Variants in CUL2 observed in about 807,000 individuals in gnomAD.
The protein encoded by CUL2 is cullin 2.
A neutral mutation model predicts 110.2 loss-of-function variants in CUL2; 22 were observed. The observed-to-expected ratio is 0.20, with a 90% CI of 0.14 to 0.28. CUL2 has a LOEUF of 0.28. Among genes scored for constraint, CUL2 ranks in the 10% least tolerant of loss-of-function variants. The probability of loss-of-function intolerance (pLI) is 1.00; values close to 1 mark genes in which losing one functional copy is unlikely to be tolerated. For synonymous variants in CUL2, 279 were observed against 293.2 expected (o/e 0.95, Z 0.49); for missense variants, 631 against 905.5 (o/e 0.70, Z 3.89).
intron 1 of CUL2, among the ~76,000 whole-genome samples, chr10:35,084,495 C>T (rs998785706): frequency 1.3e-5 from 2 of 152,164 alleles, no homozygotes; most frequent in African/African-American, 4.8e-5. Context: ...TCCAATAAGC[C>T]TTTCCCAATG....
At chr10:35,069,267 G>C (rs1313169616) in intron 2 of CUL2, among the ~76,000 whole-genome samples, 1 of 152,100 alleles carries the variant, frequency 6.6e-6, no homozygotes, top group African/African-American at 2.4e-5. Flanking sequence ...AGCTGGGCAA[G>C]GTGGCTCACA....
intron 6 of CUL2, among the ~76,000 whole-genome samples, chr10:35,047,022 TGAG>T (rs970544871): frequency 2.0e-5 from 3 of 152,332 alleles, no homozygotes; most frequent in African/African-American, 7.2e-5. Context: ...AAACAGTAGG[TGAG>T]AAGAAGCATA....
At chr10:35,084,733 C>T (rs2087019059) in intron 1 of CUL2, among the ~76,000 whole-genome samples, 1 of 152,148 alleles carries the variant, frequency 6.6e-6, no homozygotes, top group Non-Finnish European at 1.5e-5. Flanking sequence ...TTCCAAATCG[C>T]TGCTTGTTTT....
At chr10:35,029,397 A>G in intron 15 of CUL2, 91 bp downstream of exon 15, 1 of 952,400 alleles carries the variant, frequency 1.0e-6, no homozygotes, top group Non-Finnish European at 1.5e-6. Context: ...TACTCACAGA[A>G]CCAAACGTAA....
At chr10:35,114,309 C>T (rs1564758288) in intron 1 of CUL2, among the ~76,000 whole-genome samples, 1 of 152,008 alleles carries the variant, frequency 6.6e-6, no homozygotes, top group Non-Finnish European at 1.5e-5. Flanking sequence ...AGTGATTCTC[C>T]CTACCTCGGC....
upstream of CUL2, among the ~76,000 whole-genome samples, chr10:35,092,462 T>A (rs998420947): frequency 2.6e-5 from 4 of 152,220 alleles, no homozygotes; most frequent in Non-Finnish European, 5.9e-5. Flanking sequence ...TTAATTTTAT[T>A]AAATTTTGGC....
At position 35,071,343 on chromosome 10, in the gene CUL2, T is replaced by C. The variant is rs759202896; in HGVS notation, c.-22-4A>G. On this transcript the variant is annotated splice_polypyrimidine_tract_variant and splice_region_variant and intron_variant, in intron 1 of 20. Transcript: ENST00000374749. The stretch of plus-strand genomic sequence containing the variant: ...TGTGCAAGTGTAGTGTTGAAATCTG[T>C]CAATTAAAAAACAATAACAATGTTA... 6.2e-7 allele frequency: 1 copy of C among 1,600,672 alleles called. No homozygotes were observed. Among genetic ancestry groups the C allele is most frequent in the Non-Finnish European group, 8.5e-7 (1 of 1,171,866 alleles).
intron 17 of CUL2, among the ~76,000 whole-genome samples, chr10:35,021,863 GGGTGGGGTGAGGTGGGGTGA>G (rs1316604936): frequency 4.9e-5 from 3 of 61,276 alleles, no homozygotes; most frequent in Non-Finnish European, 1.0e-4. Flanking sequence ...AGGTGAGGTG[GGGTGGGGTGAGGTGGGGTGA>G]GGTGGGGTGA....
In CUL2 at chr10:35,009,844, C is replaced by T. The variant is rs1344399118; in HGVS notation, c.*467G>A. 1 of 152,074 alleles carries T rather than the reference C, an allele frequency of 6.6e-6. No homozygotes were observed. The highest frequency in any genetic ancestry group is 1.5e-5 in the Non-Finnish European group (1 of 67,876). 9.4% of individuals were successfully genotyped at this position (152,074 alleles called of 1,614,324 possible). Reference sequence around the variant, plus strand: ...TGTGGTCAACCTGATACTCCATCCACATAAAAAAGGCATTCTATTTCTTTA... The same window carrying T: ...TGTGGTCAACCTGATACTCCATCCATATAAAAAAGGCATTCTATTTCTTTA... On this transcript the variant is annotated 3_prime_UTR_variant, in exon 21 of 21. Coordinates refer to ENST00000374749, the MANE Select transcript of CUL2 (RefSeq NM_003591.4).
intron 1 of CUL2, among the ~76,000 whole-genome samples, chr10:35,104,113 C>T (rs1036365933): frequency 2.6e-5 from 4 of 152,074 alleles, no homozygotes; most frequent in Non-Finnish European, 5.9e-5. Context: ...TACACATGTG[C>T]GCACACACAC....
chr10:35,025,253 T>C, intron 16 of CUL2, 55 bp from the exon 17 acceptor site: 1 of 1,519,788 alleles, frequency 6.6e-7, no homozygotes, highest in Non-Finnish European at 8.8e-7. Flanking sequence ...ACTTGCCTAG[T>C]TAATTAACAC....
At chr10:35,118,448 C>T (rs1295216207) in intron 1 of CUL2, 1 of 152,208 alleles carries the variant, frequency 6.6e-6, no homozygotes, top group Non-Finnish European at 1.5e-5. Context: ...AACTGTCCAG[C>T]TATATTCAAC....
intron 1 of CUL2, among the ~76,000 whole-genome samples, chr10:35,088,992 A>G (rs1290397937): frequency 1.3e-5 from 2 of 152,244 alleles, no homozygotes; most frequent in Non-Finnish European, 2.9e-5. Flanking sequence ...CCTGGCCAAC[A>G]TGGTGAAACC....
In CUL2 at chr10:35,116,956, C is replaced by CAA. The variant is rs199712281; in HGVS notation, c.-51+9647_-51+9648dup. Among the ~76,000 whole-genome samples, 396 of 120,894 alleles carry CAA rather than the reference C, an allele frequency of 3.3e-3. 2 individuals are homozygous for CAA. Among genetic ancestry groups the CAA allele is most frequent in the East Asian group, 9.4e-3 (39 of 4,148 alleles). 79.3% of individuals were successfully genotyped at this position (120,894 alleles called of 152,430 possible). ...TGGGCGACAGGGTGAGATTCCGTCT[C>CAA]AAAAAAAAAAAAAAAGTTAGCCAGG... On this transcript the variant is annotated intron_variant, in intron 1 of 5. Transcript: ENST00000685421.
intron 2 of CUL2, chr10:35,064,005 C>T (rs1367899125): frequency 6.6e-6 from 1 of 152,096 alleles, no homozygotes; most frequent in Non-Finnish European, 1.5e-5. Context: ...CAGAGCAACA[C>T]AGAGGTCAGG....
rs2134595391 is a variant in CUL2 at position 35,009,037 on chromosome 10, G to A, written c.*1274C>T. The A allele has an allele frequency of 6.6e-6, 1 of 151,916 alleles. No homozygotes were observed. The highest frequency in any genetic ancestry group is 1.9e-4 in the East Asian group (1 of 5,178). The allele number at this position is 151,916 out of a possible 1,614,324, so 9.4% of individuals were successfully genotyped here. Reference sequence around the variant, plus strand: ...GGCCAGAAGTTCCAGACTAGCCTGGGAAACATGGCGAAACCCCGTCTCTTA... The same window carrying A: ...GGCCAGAAGTTCCAGACTAGCCTGGAAAACATGGCGAAACCCCGTCTCTTA... On this transcript the variant is annotated 3_prime_UTR_variant, in exon 21 of 21. Coordinates refer to ENST00000374749, the MANE Select transcript of CUL2 (RefSeq NM_003591.4).
intron 1 of CUL2, among the ~76,000 whole-genome samples, chr10:35,083,333 G>C (rs67976880): frequency 0.29 from 44,500 of 151,948 alleles, 7,049 homozygotes; most frequent in South Asian, 0.35. Context: ...ACATATACAT[G>C]CAGATAAAAA....
rs59518617 is a variant in CUL2 at position 35,113,498 on chromosome 10, CAAAAAAAAAAAAAAAAA to C, written c.-50-12455_-50-12439del. Among the ~76,000 whole-genome samples the C allele has an allele frequency of 6.3e-4, 21 of 33,314 alleles. No individual in the cohort carries two copies. In the East Asian group the frequency reaches 0.015, roughly 24 times the overall value. 21.9% of individuals were successfully genotyped at this position (33,314 alleles called of 152,430 possible). A position where few individuals can be genotyped will look rare whatever the true frequency, so the allele number is the denominator to read the frequency against. ...GGGTGACAAGAGCAAGACTCTGCCTCAAAAAAAAAAAAAAAAAAAAAAAAAAAAAAAATTCCGCAAGA... is the reference window on the plus strand; with the variant it reads ...GGGTGACAAGAGCAAGACTCTGCCTCAAAAAAAAAAAAAAATTCCGCAAGA... On this transcript the variant is annotated intron_variant, in intron 1 of 5. Transcript: ENST00000685421.
intron 9 of CUL2, among the ~76,000 whole-genome samples, chr10:35,038,504 C>T (rs534539895): frequency 1.2e-3 from 131 of 105,268 alleles, no homozygotes; most frequent in African/African-American, 4.1e-3. Context: ...CCAGCCTGGG[C>T]GACAGAGTGA....
Sources: gnomAD v4.1 joint callset for allele counts (sites outside exome capture counted in the v4.1 genomes callset) on GRCh38, gnomAD v4.1.1 for gene constraint, MANE v1.5 for transcripts, NCBI Gene and HGNC (gene_info 2026-07-23, HGNC 2026-07-21) for gene names.